CAMK4: variants seen among roughly 807,000 people sequenced by gnomAD.
CAMK4 encodes calcium/calmodulin dependent protein kinase IV, also known as calcium/calmodulin-dependent protein kinase type IV.
Under a neutral mutation model 44.9 loss-of-function variants are expected in CAMK4, and 22 were observed. That is an observed-to-expected ratio of 0.49 (90% CI 0.35 to 0.70). The LOEUF (loss-of-function observed/expected upper bound fraction) is 0.70. CAMK4 is among the 30% of genes least tolerant of loss of function. The pLI is 0.01. For synonymous variants in CAMK4, 218 were observed against 215.4 expected, an observed-to-expected ratio of 1.01 and a Z score of -0.11; for missense variants, 498 against 586.8, an observed-to-expected ratio of 0.85 and a Z score of 1.56.
chr5:111,359,947 A>G (rs973357674), intron 2 of CAMK4, among the ~76,000 whole-genome samples: 1 of 152,110 alleles, frequency 6.6e-6, no homozygotes, highest in Non-Finnish European at 1.5e-5. Context: ...GATAAATCAA[A>G]GCAGATCCAA....
At chr5:111,367,524 A>T (rs1048722428) in intron 2 of CAMK4, among the ~76,000 whole-genome samples, 1 of 152,068 alleles carries the variant, frequency 6.6e-6, no homozygotes, top group Admixed American at 6.6e-5. Context: ...GGGCCACCTT[A>T]TATTTTTTTC....
chr5:111,312,743 T>C (rs1748261123), intron 1 of CAMK4, among the ~76,000 whole-genome samples: 1 of 152,128 alleles, frequency 6.6e-6, no homozygotes, highest in African/African-American at 2.4e-5. Context: ...GAGTTTAAAA[T>C]ACAGAGTAGG....
At chr5:111,334,953 A>G (rs1221423138) in intron 1 of CAMK4, among the ~76,000 whole-genome samples, 1 of 151,500 alleles carries the variant, frequency 6.6e-6, no homozygotes, top group Non-Finnish European at 1.5e-5. Context: ...CCATTTAAAA[A>G]AAAAAGTGAA....
intron 5 of CAMK4, among the ~76,000 whole-genome samples, chr5:111,413,133 C>T (rs771154902): frequency 6.6e-6 from 1 of 152,138 alleles, no homozygotes; most frequent in Non-Finnish European, 1.5e-5. Flanking sequence ...CTTGCCTGTC[C>T]TACATCATCA....
intron 2 of CAMK4, among the ~76,000 whole-genome samples, chr5:111,359,605 T>C (rs1419266424): frequency 1.3e-5 from 2 of 152,134 alleles, no homozygotes; most frequent in African/African-American, 4.8e-5. Flanking sequence ...ATTTGTCAAT[T>C]TTTTGCTTTT....
intron 1 of CAMK4, among the ~76,000 whole-genome samples, chr5:111,232,871 A>G (rs1036101448): frequency 3.9e-5 from 6 of 152,184 alleles, no homozygotes; most frequent in African/African-American, 1.4e-4. Flanking sequence ...AAGAGTGAGT[A>G]AAAAGAGACA....
intron 7 of CAMK4, among the ~76,000 whole-genome samples, chr5:111,462,899 T>C (rs917459814): frequency 2.6e-5 from 4 of 152,248 alleles, no homozygotes; most frequent in Non-Finnish European, 5.9e-5. Context: ...GGTGCCATCA[T>C]CTTATTTTTA....
intron 1 of CAMK4, among the ~76,000 whole-genome samples, chr5:111,254,437 C>T (rs1749650431): frequency 6.6e-6 from 1 of 152,082 alleles, no homozygotes; most frequent in Non-Finnish European, 1.5e-5. Flanking sequence ...GGGTTGACAC[C>T]CTTGTAAAAC....
intron 1 of CAMK4, among the ~76,000 whole-genome samples, chr5:111,267,681 G>A (rs556119647): frequency 2.3e-4 from 32 of 141,854 alleles, no homozygotes; most frequent in African/African-American, 6.0e-4. Flanking sequence ...TCCCGCCTGG[G>A]CGACAGAACG....
chr5:111,341,780 G>C (rs1749655078), intron 1 of CAMK4, among the ~76,000 whole-genome samples: 1 of 151,160 alleles, frequency 6.6e-6, no homozygotes, highest in African/African-American at 2.4e-5. Flanking sequence ...TTTACAGATA[G>C]GAACACTGAG....
At chr5:111,330,705 A>G (rs1400491868) in intron 1 of CAMK4, among the ~76,000 whole-genome samples, 3 of 145,326 alleles carry the variant, frequency 2.1e-5, no homozygotes, top group African/African-American at 5.1e-5. Context: ...TTTGGTGTCA[A>G]TAGTGGATCT....
At chr5:111,432,655 T>G (rs556637434) in intron 5 of CAMK4, among the ~76,000 whole-genome samples, 1 of 113,368 alleles carries the variant, frequency 8.8e-6, no homozygotes, top group Non-Finnish European at 1.8e-5. Flanking sequence ...TATGTATATA[T>G]GTGTGTGTAT....
rs879679254 is a variant in CAMK4, at chr5:111,328,048, C to A, written c.162-15976C>A. Among the ~76,000 whole-genome samples the A allele has an allele frequency of 4.8e-3, 539 of 112,602 alleles. 43 individuals are homozygous for A. Among genetic ancestry groups the A allele is most frequent in the Non-Finnish European group, 7.5e-3 (415 of 55,646 alleles). 73.9% of individuals were successfully genotyped at this position (112,602 alleles called of 152,430 possible). A position where few individuals can be genotyped will look rare whatever the true frequency, so the allele number is the denominator to read the frequency against. On this transcript the variant is annotated intron_variant, in intron 1 of 10. Transcript: ENST00000282356. ...CATTTGTCAATTTTGGCTTTTGTTG[C>A]CATTGCTTTTGGTGTTTTAGACATG...
chr5:111,316,188 C>A (rs1259746331), intron 1 of CAMK4, among the ~76,000 whole-genome samples: 2 of 152,112 alleles, frequency 1.3e-5, no homozygotes, highest in Non-Finnish European at 2.9e-5. Flanking sequence ...TCCTTTTTCT[C>A]CAGCCTCCCT....
intron 1 of CAMK4, among the ~76,000 whole-genome samples, chr5:111,342,691 G>A (rs576963946): frequency 6.0e-5 from 9 of 151,038 alleles, no homozygotes; most frequent in Non-Finnish European, 1.0e-4. Flanking sequence ...CTATTATTTT[G>A]TTTTTGCTCC....
intron 8 of CAMK4, 106 bp from the exon 9 acceptor site, chr5:111,478,275 A>G: frequency 1.6e-6 from 1 of 611,352 alleles, no homozygotes; most frequent in East Asian, 2.9e-5. Context: ...ACTTGCTTCC[A>G]TGGCAGGAAG....
intron 4 of CAMK4, among the ~76,000 whole-genome samples, chr5:111,389,777 T>G (rs1406454427): frequency 6.6e-6 from 1 of 152,212 alleles, no homozygotes; most frequent in African/African-American, 2.4e-5. Context: ...TCCATCATCT[T>G]TGTAACAACT....
At chr5:111,400,671 A>G (rs79953403) in intron 5 of CAMK4, among the ~76,000 whole-genome samples, 2,046 of 152,188 alleles carry the variant, frequency 0.013, 48 homozygotes, top group African/African-American at 0.047. Context: ...AAGCTTTTAA[A>G]GTGTGTTTGA....
chr5:111,476,332 T>G (rs1414811168), intron 8 of CAMK4, among the ~76,000 whole-genome samples: 1 of 151,610 alleles, frequency 6.6e-6, no homozygotes, highest in Admixed American at 6.6e-5. Flanking sequence ...CAGGCTAGAG[T>G]GCAGTGGCGT....
Sources: allele counts gnomAD v4.1 joint callset (sites outside exome capture counted in the v4.1 genomes callset), GRCh38; gene constraint gnomAD v4.1.1; transcripts MANE v1.5; gene names NCBI Gene and HGNC (gene_info 2026-07-23, HGNC 2026-07-21).